The following C19orf47 variants were observed in gnomAD, a reference collection of about 807,000 sequenced individuals.
C19orf47 encodes chromosome 19 open reading frame 47.
C19orf47 carries 18 observed loss-of-function variants against 32.3 expected under a neutral mutation model. The ratio of observed to expected loss-of-function variants is 0.56; its 90% CI spans 0.39 to 0.83. The LOEUF is 0.83. C19orf47 is among the 40% of genes least tolerant of loss of function. C19orf47 has a pLI of 0.00. For synonymous variants in C19orf47, 202 were observed against 211.1 expected (o/e 0.96, Z 0.37); for missense variants, 484 against 531.6 (o/e 0.91, Z 0.88).
At chr19:40,313,013 T>C in the C19orf47 span, among the ~76,000 whole-genome samples, 8 of 152,220 alleles carry the variant, frequency 5.3e-5, no homozygotes, top group Non-Finnish European at 1.0e-4. Flanking sequence ...GTCTTTTGCA[T>C]GTACGTGGAA....
the C19orf47 span, among the ~76,000 whole-genome samples, chr19:40,302,017 C>T: frequency 1.3e-4 from 20 of 150,632 alleles, no homozygotes; most frequent in Non-Finnish European, 1.5e-4. Flanking sequence ...AAACATTAGC[C>T]GGGCATGGTG....
intron 2 of C19orf47, among the ~76,000 whole-genome samples, chr19:40,338,662 C>T (rs566079165): frequency 2.6e-5 from 4 of 152,132 alleles, no homozygotes; most frequent in Admixed American, 6.6e-5. Context: ...AGATTACAGG[C>T]GTGAGCCACC....
downstream of C19orf47, among the ~76,000 whole-genome samples, chr19:40,317,871 C>T (rs2145494591): frequency 6.6e-6 from 1 of 152,168 alleles, no homozygotes; most frequent in South Asian, 2.1e-4. Flanking sequence ...AGGCGTGCAC[C>T]AACACACCGG....
chr19:40,339,297 TA>T (rs1301066158), intron 2 of C19orf47: 1 of 152,336 alleles, frequency 6.6e-6, no homozygotes, highest in African/African-American at 2.4e-5. Flanking sequence ...TAAACTGTCA[TA>T]AGGCACTGGC....
At chr19:40,323,398 C>T (rs2077761952) in intron 8 of C19orf47, among the ~76,000 whole-genome samples, 1 of 152,226 alleles carries the variant, frequency 6.6e-6, no homozygotes, top group Non-Finnish European at 1.5e-5. Flanking sequence ...CAGTCAGGCC[C>T]CTGTGGGCTT....
At chr19:40,346,728 G>A (rs1374596499) in intron 1 of C19orf47, among the ~76,000 whole-genome samples, 1 of 151,638 alleles carries the variant, frequency 6.6e-6, no homozygotes, top group Non-Finnish European at 1.5e-5. Flanking sequence ...GGGTTTCACC[G>A]TGTTAGCCAG....
the C19orf47 span, among the ~76,000 whole-genome samples, chr19:40,296,913 C>CA: frequency 1.7e-3 from 245 of 142,398 alleles, no homozygotes; most frequent in African/African-American, 5.1e-3. Flanking sequence ...GACCCTGTCT[C>CA]AAAAAAAAAA....
rs756792345 is a variant in C19orf47, at chr19:40,336,352, G to A, written c.75C>T (p.Ala25=). The A allele has an allele frequency of 5.6e-6, 9 of 1,614,044 alleles. No individual in the cohort carries two copies. In the African/African-American group the frequency reaches 6.7e-5, roughly 12 times the overall value. The change falls in exon 3 of 9, where the codon GCC becomes GCT. Residue 25 remains alanine, a synonymous_variant. Coordinates refer to ENST00000683109, the MANE Select transcript of C19orf47 (RefSeq NM_001256441.2). ...CCACAAACATCACGGCATAATTGAC[G>A]GCAGGTCCTGGAGGAATGCCGGCTT... ...FKEAGIPPGP[A]VNYAVMFVDN...
At chr19:40,312,814 A>G in the C19orf47 span, among the ~76,000 whole-genome samples, 3 of 152,344 alleles carry the variant, frequency 2.0e-5, no homozygotes, top group Admixed American at 2.0e-4. Context: ...AATTAAGTCC[A>G]GTCAACCCCT....
chr19:40,297,803 G>A, the C19orf47 span, among the ~76,000 whole-genome samples: 1 of 151,606 alleles, frequency 6.6e-6, no homozygotes, highest in African/African-American at 2.4e-5. Context: ...GAACCTGAGA[G>A]GCGGAGGTTG....
At chr19:40,316,046 AAAGGG>A (rs1042647202), downstream of C19orf47, among the ~76,000 whole-genome samples, 1 of 152,128 alleles carries the variant, frequency 6.6e-6, no homozygotes, top group Non-Finnish European at 1.5e-5. Flanking sequence ...CTGATTTTGC[AAAGGG>A]AAATGTCTCC....
At chr19:40,347,075 G>A (rs2078313638) in intron 1 of C19orf47, among the ~76,000 whole-genome samples, 1 of 152,160 alleles carries the variant, frequency 6.6e-6, no homozygotes, top group Admixed American at 6.6e-5. Flanking sequence ...GAATCACACA[G>A]TACAGGTTCT....
chr19:40,304,596 C>T, the C19orf47 span, among the ~76,000 whole-genome samples: 1 of 152,298 alleles, frequency 6.6e-6, no homozygotes, highest in East Asian at 1.9e-4. Context: ...ACCACCACCT[C>T]CTAGAAGCCG....
At chr19:40,301,453 T>C in the C19orf47 span, among the ~76,000 whole-genome samples, 2 of 150,356 alleles carry the variant, frequency 1.3e-5, no homozygotes, top group African/African-American at 4.9e-5. Context: ...AGATTCTTCC[T>C]GCCTCAGCCT....
the C19orf47 span, among the ~76,000 whole-genome samples, chr19:40,298,765 T>TG: frequency 6.6e-6 from 1 of 152,012 alleles, no homozygotes. Flanking sequence ...TATGAAGATG[T>TG]GGGGGGGTTT....
chr19:40,321,505 G>A lies in C19orf47; in HGVS notation c.*377C>T, dbSNP rs577715665. ...CCAGGTGACACCCACTTAGTTGAGGGGGACAGGGAGGCTGATGAGCTGGGG... is the reference window on the plus strand; with the variant it reads ...CCAGGTGACACCCACTTAGTTGAGGAGGACAGGGAGGCTGATGAGCTGGGG... On this transcript the variant is annotated 3_prime_UTR_variant, in exon 9 of 9. Transcript: ENST00000683109. 2.7e-5 allele frequency: 28 copies of A among 1,028,160 alleles called. No individual in the cohort carries two copies. The South Asian group carries it at 7.9e-4, about 29-fold the overall frequency. 63.7% of individuals were successfully genotyped at this position (1,028,160 alleles called of 1,614,324 possible). A position where few individuals can be genotyped will look rare whatever the true frequency, so the allele number is the denominator to read the frequency against.
At chr19:40,338,756 G>A (rs993237032) in intron 2 of C19orf47, among the ~76,000 whole-genome samples, 4 of 152,036 alleles carry the variant, frequency 2.6e-5, no homozygotes, top group East Asian at 1.9e-4. Flanking sequence ...GGACTCAAGC[G>A]ATCCACCTGC....
chr19:40,324,225 T>G, intron 7 of C19orf47, 149 bp from the exon 8 acceptor site: 1 of 737,610 alleles, frequency 1.4e-6, no homozygotes, highest in African/African-American at 1.7e-5. Flanking sequence ...TCTACACTGT[T>G]GGCTCACACT....
chr19:40,305,336 C>G, the C19orf47 span, among the ~76,000 whole-genome samples: 1 of 149,104 alleles, frequency 6.7e-6, no homozygotes, highest in African/African-American at 2.5e-5. Context: ...CAGTCAGACT[C>G]TGTCTCAAAA....
Sources: allele counts gnomAD v4.1 joint callset (sites outside exome capture counted in the v4.1 genomes callset), GRCh38; gene constraint gnomAD v4.1.1; transcripts MANE v1.5; gene names NCBI Gene and HGNC (gene_info 2026-07-23, HGNC 2026-07-21).